LITAF: variants seen among roughly 807,000 people sequenced by gnomAD.
LITAF encodes the protein lipopolysaccharide induced TNF factor, also known as lipopolysaccharide-induced tumor necrosis factor-alpha factor.
In LITAF, 9 loss-of-function variants were observed where a neutral mutation model predicts 14.5. That is an observed-to-expected ratio of 0.62 (90% confidence interval 0.37 to 1.08). The LOEUF (loss-of-function observed/expected upper bound fraction) is 1.08. LITAF is among the 50% of genes least tolerant of loss of function. LITAF has a pLI of 0.01. For synonymous variants in LITAF, 98 were observed against 88.2 expected, an observed-to-expected ratio of 1.11 and a Z score of -0.62; for missense variants, 206 against 213.4, an observed-to-expected ratio of 0.97 and a Z score of 0.22.
intron 3 of LITAF, among the ~76,000 whole-genome samples, chr16:11,606,023 G>A (rs562056048): frequency 5.9e-5 from 9 of 152,120 alleles, no homozygotes; most frequent in African/African-American, 1.7e-4. Flanking sequence ...ATCCTTTTTC[G>A]TTAAACTTAT....
upstream of LITAF, among the ~76,000 whole-genome samples, chr16:11,602,281 G>A (rs747756933): frequency 5.9e-5 from 9 of 152,110 alleles, no homozygotes; most frequent in South Asian, 2.1e-4. Flanking sequence ...GCTTGAGCCC[G>A]GGAGGCGGAG....
In LITAF at chr16:11,611,721, G is replaced by T. The variant is rs557829136; in HGVS notation, c.85+21812C>A. On this transcript the variant is annotated intron_variant, in intron 3 of 3. Transcript: ENST00000574848. ...TCTGTCACCCAGGCTGGAGTGCAGT[G>T]GTGCGATCTCGCCTCACTGCAATCT... 7.3e-5 allele frequency among the ~76,000 whole-genome samples: 11 copies of T among 150,014 alleles called. No homozygotes were observed. In the East Asian group the frequency reaches 2.1e-3, roughly 29 times the overall value.
intron 2 of LITAF, 182 bp downstream of exon 2, chr16:11,556,329 G>T (rs1364818922): frequency 1.1e-5 from 7 of 609,262 alleles, no homozygotes; most frequent in Non-Finnish European, 2.1e-5. Context: ...TTACGGAAAA[G>T]CTGTGAGCCT....
intron 1 of LITAF, among the ~76,000 whole-genome samples, chr16:11,596,987 A>C (rs924625427): frequency 2.6e-5 from 4 of 152,146 alleles, no homozygotes; most frequent in Non-Finnish European, 4.4e-5. Context: ...AAGCCCAGAC[A>C]GGTAAAGTAA....
At position 11,614,716 on chromosome 16, in the gene LITAF, G is replaced by C. The variant is rs140068562; in HGVS notation, c.85+18817C>G. ...CAGGGCTCGAGATCCTCCCATCTTG[G>C]CCTTCCAGAGTGCTGGAATCACAAG... On this transcript the variant is annotated intron_variant, in intron 3 of 3. Transcript: ENST00000574848. Among the ~76,000 whole-genome samples the C allele has an allele frequency of 7.2e-4, 109 of 152,232 alleles. No homozygotes were observed. In the East Asian group the frequency reaches 0.019, roughly 27 times the overall value.
intron 3 of LITAF, among the ~76,000 whole-genome samples, chr16:11,622,150 G>A (rs952526016): frequency 6.6e-6 from 1 of 152,196 alleles, no homozygotes; most frequent in African/African-American, 2.4e-5. Flanking sequence ...GACCCGCCCT[G>A]GCAGCCTGGT....
rs1014855050 is a variant in LITAF at position 11,605,564 on chromosome 16, G to A, written c.85+27969C>T. ...GGAAGAAAAGGAGAAAGAAGGGAGG[G>A]AAAAAGAGAAATGAAAAGAAAAAGA... is the stretch of plus-strand genomic sequence containing the variant. On this transcript the variant is annotated intron_variant, in intron 3 of 3. Transcript: ENST00000574848. The surrounding 1 kb of genome is among the most constrained non-coding windows in gnomAD (Gnocchi z 4.7). 5.9e-5 allele frequency among the ~76,000 whole-genome samples: 9 copies of A among 152,118 alleles called. No individual in the cohort carries two copies. The highest frequency in any genetic ancestry group is 3.2e-3 in the Middle Eastern group (1 of 316).
At chr16:11,637,364 C>T (rs2065142132), upstream of LITAF, among the ~76,000 whole-genome samples, 1 of 152,232 alleles carries the variant, frequency 6.6e-6, no homozygotes, top group Non-Finnish European at 1.5e-5. Flanking sequence ...TCTGGGCATT[C>T]ATTGGTGGCT....
chr16:11,587,693 C>T (rs1404871770), upstream of LITAF: 1 of 216,566 alleles, frequency 4.6e-6, no homozygotes, highest in African/African-American at 2.3e-5. Flanking sequence ...AGCCCCATTT[C>T]ACATCCGCCC....
rs527280573 is a variant in LITAF, at chr16:11,553,390, G to A, written c.377+143C>T. 2.9e-5 allele frequency: 27 copies of A among 917,038 alleles called. No homozygotes were observed. The highest frequency in any genetic ancestry group is 3.4e-5 in the Non-Finnish European group (20 of 594,374). The allele number at this position is 917,038 out of a possible 1,614,324, so 56.8% of individuals were successfully genotyped here. On this transcript the variant is annotated intron_variant, in intron 3 of 3. Coordinates refer to ENST00000622633, the MANE Select transcript of LITAF (RefSeq NM_001136472.2). This position sits in a 1 kb window ranked among gnomAD's most constrained non-coding sequence, Gnocchi z 7.7. ...CGCCCCACTGTACTCCAGCCTGGGC[G>A]ACAGAACCAGATTCCATCTCAAAAA...
intron 3 of LITAF, among the ~76,000 whole-genome samples, chr16:11,620,428 A>G (rs917984605): frequency 1.3e-5 from 2 of 152,146 alleles, no homozygotes; most frequent in Admixed American, 1.3e-4. Flanking sequence ...GCCTTCCACC[A>G]TGACTATAAG....
At chr16:11,592,801 C>A (rs1044001655) in intron 1 of LITAF, among the ~76,000 whole-genome samples, 3 of 151,814 alleles carry the variant, frequency 2.0e-5, no homozygotes, top group African/African-American at 7.3e-5. Context: ...TTTGGGAGGC[C>A]GAGGTTGGCA....
chr16:11,602,810 A>G (rs77014167), upstream of LITAF, among the ~76,000 whole-genome samples: 3,793 of 151,750 alleles, frequency 0.025, 181 homozygotes, highest in African/African-American at 0.087. Flanking sequence ...GAAACTATCT[A>G]AAAGAAAGGA....
chr16:11,579,497 A>AATAAT (rs2141825408), intron 1 of LITAF, among the ~76,000 whole-genome samples: 1 of 132,034 alleles, frequency 7.6e-6, no homozygotes, highest in South Asian at 2.6e-4. Flanking sequence ...AATAAAATAA[A>AATAAT]ATAAAATAAA....
At chr16:11,583,514 G>A (rs556654677) in intron 1 of LITAF, among the ~76,000 whole-genome samples, 9 of 152,320 alleles carry the variant, frequency 5.9e-5, no homozygotes, top group African/African-American at 1.9e-4. Context: ...ATAGAAAACA[G>A]GCACAAAGAC....
chr16:11,553,543 A>G lies in LITAF; in HGVS notation c.367T>C (p.Cys123Arg). 6.2e-7 allele frequency: 1 copy of G among 1,614,094 alleles called. No homozygotes were observed. The highest frequency in any genetic ancestry group is 1.1e-5 in the South Asian group (1 of 91,086). ...ALTWLSCGSL[C>R]LLGCIAGCCF... ...GGGAGGCAGACTCACCCCAGCAGGC[A>G]CAGGCTCCCGCAGGACAGCCAGGTC... Residue 123 changes from cysteine to arginine, a missense_variant, in exon 3 of 4, where the codon TGC becomes CGC. By Grantham distance (180) the Cys-to-Arg change is radical. Coordinates refer to ENST00000622633, the MANE Select transcript of LITAF (RefSeq NM_001136472.2). The surrounding 1 kb of genome is among the most constrained non-coding windows in gnomAD (Gnocchi z 7.7).
At chr16:11,566,759 G>A (rs2064457194) in intron 1 of LITAF, among the ~76,000 whole-genome samples, 1 of 151,704 alleles carries the variant, frequency 6.6e-6, no homozygotes, top group Non-Finnish European at 1.5e-5. Flanking sequence ...GCAGGGGTAG[G>A]GGGGCGCATG....
intron 3 of LITAF, among the ~76,000 whole-genome samples, chr16:11,622,947 A>AATATATATAT (rs56677620): frequency 5.5e-5 from 8 of 145,408 alleles, no homozygotes; most frequent in African/African-American, 2.0e-4. Context: ...TCATATAATG[A>AATATATATAT]ATATATATAT....
At chr16:11,551,198 G>A (rs1393767491) in intron 3 of LITAF, among the ~76,000 whole-genome samples, 1 of 152,180 alleles carries the variant, frequency 6.6e-6, no homozygotes, top group Non-Finnish European at 1.5e-5. Context: ...ATTATCTCAT[G>A]AAAGAAATTT....
Sources: allele counts gnomAD v4.1 joint callset (sites outside exome capture counted in the v4.1 genomes callset), GRCh38; gene constraint gnomAD v4.1.1; non-coding constraint Gnocchi (gnomAD v3.1); transcripts MANE v1.5; gene names NCBI Gene and HGNC (gene_info 2026-07-23, HGNC 2026-07-21).